Variants in TRIM67 observed in about 807,000 individuals in gnomAD.
The protein encoded by TRIM67 is tripartite motif-containing protein 67.
TRIM67 carries 39 observed loss-of-function variants against 71.0 expected under a neutral mutation model. The observed-to-expected ratio is 0.55, with a 90% CI of 0.43 to 0.72. The LOEUF is 0.72. TRIM67 is among the 30% of genes least tolerant of loss of function. The pLI is 0.00. For synonymous variants in TRIM67, 481 were observed against 473.9 expected (o/e 1.01, Z -0.19); for missense variants, 973 against 1,079.2 (o/e 0.90, Z 1.38).
chr1:231,163,915 G>T lies in TRIM67; in HGVS notation c.946G>T (p.Val316Leu). The change falls in exon 1 of 10, where the codon GTG (valine) becomes TTG (leucine). Residue 316 changes from valine (V) to leucine (L), a missense_variant. Physicochemically the swap from Val to Leu is conservative, Grantham distance 32. Transcript: ENST00000366653. ...HEMENYSMYCVSCRTPVCYLC... is the reference protein window; with the variant it reads ...HEMENYSMYCLSCRTPVCYLC... Reference sequence around the variant, plus strand: ...AATGGAGAACTACAGCATGTACTGCGTGAGCTGTCGAACCCCGGTGTGTTA... The same window carrying T: ...AATGGAGAACTACAGCATGTACTGCTTGAGCTGTCGAACCCCGGTGTGTTA... 1 of 1,586,612 alleles carries T rather than the reference G, an allele frequency of 6.3e-7. No homozygotes were observed. The highest frequency in any genetic ancestry group is 8.6e-7 in the Non-Finnish European group (1 of 1,166,996).
Position 231,217,124 on chromosome 1 carries a change from G to C in TRIM67, c.*1684G>C, listed in dbSNP as rs1684034042. 1 of 985,876 alleles carries C rather than the reference G, an allele frequency of 1.0e-6. No individual in the cohort carries two copies. Among genetic ancestry groups the C allele is most frequent in the African/African-American group, 1.7e-5 (1 of 57,312 alleles). The allele number at this position is 985,876 out of a possible 1,614,324, so 61.1% of individuals were successfully genotyped here. ...CATGCAGGTACCCCCCCTCCACTCA[G>C]CAGGCCCGACAATCCTACCTCAAAG... On this transcript the variant is annotated 3_prime_UTR_variant, in exon 10 of 10. Transcript: ENST00000366653.
At chr1:231,203,644 A>G (rs1683613486) in intron 5 of TRIM67, among the ~76,000 whole-genome samples, 1 of 152,076 alleles carries the variant, frequency 6.6e-6, no homozygotes, top group African/African-American at 2.4e-5. Flanking sequence ...AGGAAGGACA[A>G]CCCCTAGGTT....
intron 1 of TRIM67, among the ~76,000 whole-genome samples, chr1:231,175,418 A>C (rs933176841): frequency 6.6e-6 from 1 of 152,226 alleles, no homozygotes; most frequent in Non-Finnish European, 1.5e-5. Context: ...AGCCTGCCAG[A>C]GTTTCGTGGG....
In TRIM67 at chr1:231,173,689, A is replaced by G. The variant is rs529970484; in HGVS notation, c.1044+9676A>G. ...GTGTACAGGGCCTGGCGGGCCATGCAGAACAGGTTGAATTTAATAGTAAGT... is the reference window on the plus strand; with the variant it reads ...GTGTACAGGGCCTGGCGGGCCATGCGGAACAGGTTGAATTTAATAGTAAGT... On this transcript the variant is annotated intron_variant, in intron 1 of 9. Coordinates refer to ENST00000366653, the MANE Select transcript of TRIM67 (RefSeq NM_001004342.5). 4.6e-5 allele frequency among the ~76,000 whole-genome samples: 7 copies of G among 152,348 alleles called. No individual in the cohort carries two copies. The South Asian group carries it at 1.0e-3, about 23-fold the overall frequency.
chr1:231,178,429 G>T (rs890852007), intron 1 of TRIM67, among the ~76,000 whole-genome samples: 1 of 152,194 alleles, frequency 6.6e-6, no homozygotes, highest in African/African-American at 2.4e-5. Context: ...CCACATGTGC[G>T]TGTTCAATAA....
intron 1 of TRIM67, among the ~76,000 whole-genome samples, chr1:231,192,350 A>G (rs529254324): frequency 2.6e-4 from 40 of 152,138 alleles, no homozygotes; most frequent in Non-Finnish European, 5.1e-4. Context: ...ACAACAGCTC[A>G]CTATATTACC....
At chr1:231,196,063 C>A (rs566224372) in intron 1 of TRIM67, among the ~76,000 whole-genome samples, 1 of 152,312 alleles carries the variant, frequency 6.6e-6, no homozygotes, top group South Asian at 2.1e-4. Context: ...GTCCTTCATT[C>A]TAGGACATGG....
chr1:231,189,935 G>T (rs923154135), intron 1 of TRIM67, among the ~76,000 whole-genome samples: 3 of 152,162 alleles, frequency 2.0e-5, no homozygotes, highest in African/African-American at 7.2e-5. Context: ...CACAGAAGAG[G>T]ATTCTCCCTT....
In TRIM67 at chr1:231,190,767, G is replaced by A. The variant is rs113775790; in HGVS notation, c.1045-6604G>A. On this transcript the variant is annotated intron_variant, in intron 1 of 9. Coordinates refer to ENST00000366653, the MANE Select transcript of TRIM67 (RefSeq NM_001004342.5). Reference sequence around the variant, plus strand: ...GGAGCGGACTGGGAGCGGGGAAGCCGGTGGGGTTGGGGAATCCGGGAGGTC... The same window carrying A: ...GGAGCGGACTGGGAGCGGGGAAGCCAGTGGGGTTGGGGAATCCGGGAGGTC... Among the ~76,000 whole-genome samples the A allele has an allele frequency of 3.0e-3, 451 of 152,300 alleles. 3 individuals carry two copies. The highest frequency in any genetic ancestry group is 4.0e-3 in the African/African-American group (166 of 41,570).
rs1683793711 is a variant in TRIM67, at chr1:231,209,111, A to G, written c.1984A>G (p.Asn662Asp). ...GGAGCTGCACGTGGACCGGTACGAC[A>G]ACCACCCAGACCCCGCCTTCGGGGT... Reference protein sequence around the residue: ...YWELHVDRYDNHPDPAFGVAR... With the variant: ...YWELHVDRYDDHPDPAFGVAR... The change falls in exon 8 of 10, where the codon AAC becomes GAC. Residue 662 changes from asparagine (N) to aspartate (D), a missense_variant. By Grantham distance (23) the Asn-to-Asp change is conservative (BLOSUM62 1). Coordinates refer to ENST00000366653, the MANE Select transcript of TRIM67 (RefSeq NM_001004342.5). This position sits in a 1 kb window ranked among gnomAD's most constrained non-coding sequence, Gnocchi z 4.1. The G allele has an allele frequency of 3.1e-6, 5 of 1,613,798 alleles. No homozygotes were observed. Among genetic ancestry groups the G allele is most frequent in the Non-Finnish European group, 4.2e-6 (5 of 1,179,826 alleles).
chr1:231,204,266 C>T lies in TRIM67; in HGVS notation c.1680+254C>T, dbSNP rs898912404. On this transcript the variant is annotated intron_variant, in intron 6 of 9. Coordinates refer to ENST00000366653, the MANE Select transcript of TRIM67 (RefSeq NM_001004342.5). ...TGTTTCCTGCACCCACCTCCTTTCC[C>T]GTTTACCCCCAGCCCCTCACACAGC... 5.9e-5 allele frequency among the ~76,000 whole-genome samples: 9 copies of T among 152,322 alleles called. No homozygotes were observed. The South Asian group carries it at 6.2e-4, about 11-fold the overall frequency.
At chr1:231,193,218 C>T (rs932115110) in intron 1 of TRIM67, among the ~76,000 whole-genome samples, 2 of 152,146 alleles carry the variant, frequency 1.3e-5, no homozygotes, top group African/African-American at 2.4e-5. Flanking sequence ...TTTATTCAGC[C>T]GGGGAGCATT....
At chr1:231,192,991 A>G (rs1163453954) in intron 1 of TRIM67, among the ~76,000 whole-genome samples, 1 of 152,166 alleles carries the variant, frequency 6.6e-6, no homozygotes, top group Non-Finnish European at 1.5e-5. Flanking sequence ...GAAGGTCAGC[A>G]GGCTCTGGGG....
rs1448822297 is a variant in TRIM67 at position 231,206,693 on chromosome 1, T to G, written c.1722T>G (p.Gly574=). Residue 574 remains glycine (G), a synonymous_variant, in exon 7 of 10, where the codon GGT becomes GGG. Transcript: ENST00000366653. ...VGKETLCTID[G]LHFNSTYNAR... ...AGGAGACTTTGTGTACCATCGACGGTCTTCACTTCAACAGCACCTACAACG... is the reference window on the plus strand; with the variant it reads ...AGGAGACTTTGTGTACCATCGACGGGCTTCACTTCAACAGCACCTACAACG... 6.2e-7 allele frequency: 1 copy of G among 1,611,206 alleles called. No individual in the cohort carries two copies. The highest frequency in any genetic ancestry group is 8.5e-7 in the Non-Finnish European group (1 of 1,178,870).
At chr1:231,179,434 T>G (rs543588222) in intron 1 of TRIM67, among the ~76,000 whole-genome samples, 2 of 152,340 alleles carry the variant, frequency 1.3e-5, no homozygotes, top group Non-Finnish European at 2.9e-5. Flanking sequence ...GGTTAGGGGT[T>G]AGGATTTCAA....
chr1:231,199,135 C>T lies in TRIM67; in HGVS notation c.1229C>T (p.Thr410Ile). The change falls in exon 3 of 10, where the codon ACC becomes ATC. Residue 410 changes from threonine to isoleucine, a missense_variant. Around this residue, in one of 2 missense-constraint regions of TRIM67, gnomAD observed 795 missense variants for 831.3 expected, o/e 0.96. Coordinates refer to ENST00000366653, the MANE Select transcript of TRIM67 (RefSeq NM_001004342.5). The stretch of plus-strand genomic sequence containing the variant: ...ACTCGTCAGAAAGCCAAGCTGCTCA[C>T]CAAGGTGACTAAAGAGAGGGAACAC... The part of the protein sequence containing the change: ...ALTRQKAKLL[T>I]KVTKEREHKL... The T allele has an allele frequency of 6.2e-7, 1 of 1,613,950 alleles. No homozygotes were observed. The highest frequency in any genetic ancestry group is 1.1e-5 in the South Asian group (1 of 91,086).
chr1:231,169,053 AT>A (rs199501190), intron 1 of TRIM67, among the ~76,000 whole-genome samples: 5 of 151,464 alleles, frequency 3.3e-5, no homozygotes, highest in East Asian at 2.0e-4. Flanking sequence ...AGCCCTAGAT[AT>A]TTTTTTTTAT....
In TRIM67 at chr1:231,193,946, G is replaced by A. The variant is rs551079820; in HGVS notation, c.1045-3425G>A. Among the ~76,000 whole-genome samples the A allele has an allele frequency of 1.5e-3, 226 of 152,220 alleles. 4 individuals are homozygous for A. Among genetic ancestry groups the A allele is most frequent in the Admixed American group, 0.014 (221 of 15,282 alleles). On this transcript the variant is annotated intron_variant, in intron 1 of 9. Transcript: ENST00000366653. The stretch of plus-strand genomic sequence containing the variant: ...CCACTAGGCTCCACCTCCAAAACTG[G>A]GGATCAAATTTCAACATGAGATTTA...
At position 231,162,949 on chromosome 1, in the gene TRIM67, G is replaced by C. The variant is rs374506099; in HGVS notation, c.-21G>C. 227 of 1,606,818 alleles carry C rather than the reference G, an allele frequency of 1.4e-4. No individual in the cohort carries two copies. The highest frequency in any genetic ancestry group is 1.8e-4 in the Non-Finnish European group (212 of 1,177,724). On this transcript the variant is annotated 5_prime_UTR_variant, in exon 1 of 10. Transcript: ENST00000366653. ...GGCCATTCATCCCCAGCGCAGAGCA[G>C]CGCTGGCAGCCGGCGCCGCGATGGA...
Sources: gnomAD v4.1 joint callset for allele counts (sites outside exome capture counted in the v4.1 genomes callset) on GRCh38, gnomAD v4.1.1 for gene constraint, gnomAD v4.1.1 regional missense constraint, Gnocchi (gnomAD v3.1) non-coding constraint, MANE v1.5 for transcripts, NCBI Gene and HGNC (gene_info 2026-07-23, HGNC 2026-07-21) for gene names.